The following EXOC6B variants were observed in gnomAD, a reference collection of about 807,000 sequenced individuals.
EXOC6B encodes the protein SEC15 homolog B.
In EXOC6B, 54 loss-of-function variants were observed where a neutral mutation model predicts 113.5. That is an observed-to-expected ratio of 0.48 (90% CI 0.38 to 0.60). The LOEUF (loss-of-function observed/expected upper bound fraction) is 0.60. Ranked by LOEUF, EXOC6B falls within the 20% of genes least tolerant of loss-of-function variation. The pLI is 0.00. For synonymous variants in EXOC6B, 357 were observed against 339.0 expected (o/e 1.05, Z -0.58); for missense variants, 797 against 977.5 (o/e 0.82, Z 2.46).
chr2:72,694,690 A>G (rs775663989), intron 6 of EXOC6B, among the ~76,000 whole-genome samples: 10 of 152,240 alleles, frequency 6.6e-5, no homozygotes, highest in Admixed American at 2.0e-4. Flanking sequence ...AAAATGCCAT[A>G]GGAACAAAGG....
At chr2:72,513,321 A>G (rs1701046638) in intron 10 of EXOC6B, 69 bp from the exon 11 acceptor site, 1 of 1,585,854 alleles carries the variant, frequency 6.3e-7, no homozygotes, top group African/African-American at 1.4e-5. Flanking sequence ...CTGGGGTTTG[A>G]CAAGCATTAA....
chr2:72,440,976 T>C (rs1354597637), intron 18 of EXOC6B, among the ~76,000 whole-genome samples: 1 of 152,116 alleles, frequency 6.6e-6, no homozygotes, highest in Non-Finnish European at 1.5e-5. Context: ...TTTTCACCCT[T>C]TATCATCTGG....
At chr2:72,271,185 GT>G (rs1553475935) in intron 20 of EXOC6B, among the ~76,000 whole-genome samples, 1 of 152,100 alleles carries the variant, frequency 6.6e-6, no homozygotes, top group Non-Finnish European at 1.5e-5. Flanking sequence ...AGAGTAAGGG[GT>G]TTTAAAACTC....
chr2:72,229,943 T>C (rs1681499451), intron 20 of EXOC6B, among the ~76,000 whole-genome samples: 1 of 152,076 alleles, frequency 6.6e-6, no homozygotes. Context: ...CAAAGCATCT[T>C]AAAAAGGCAA....
intron 20 of EXOC6B, among the ~76,000 whole-genome samples, chr2:72,315,612 G>T (rs2104807873): frequency 6.6e-6 from 1 of 152,230 alleles, no homozygotes; most frequent in Admixed American, 6.5e-5. Context: ...AGTTAAAAGT[G>T]GTTGGTTTCT....
intron 20 of EXOC6B, among the ~76,000 whole-genome samples, chr2:72,301,225 T>C (rs1436678815): frequency 1.3e-5 from 2 of 152,196 alleles, no homozygotes; most frequent in African/African-American, 4.8e-5. Flanking sequence ...GCTTTTTGAT[T>C]GTGCTGCTGA....
chr2:72,627,904 T>C (rs1672157070), intron 6 of EXOC6B, among the ~76,000 whole-genome samples: 1 of 152,038 alleles, frequency 6.6e-6, no homozygotes, highest in Admixed American at 6.6e-5. Context: ...CCATTTTTGT[T>C]GTGTTATTTT....
intron 20 of EXOC6B, among the ~76,000 whole-genome samples, chr2:72,280,513 C>G (rs1685067700): frequency 6.6e-6 from 1 of 152,072 alleles, no homozygotes; most frequent in Admixed American, 6.6e-5. Context: ...TCTAGCCATG[C>G]TTAGGAACCC....
At chr2:72,733,694 A>C (rs923655573) in intron 2 of EXOC6B, among the ~76,000 whole-genome samples, 1 of 152,224 alleles carries the variant, frequency 6.6e-6, no homozygotes, top group Non-Finnish European at 1.5e-5. Context: ...TAAATGATCC[A>C]GAGTTCATTA....
chr2:72,181,628 C>A (rs767799662), intron 21 of EXOC6B, among the ~76,000 whole-genome samples: 40 of 152,286 alleles, frequency 2.6e-4, no homozygotes, highest in Non-Finnish European at 4.0e-4. Flanking sequence ...TTTCATGACT[C>A]CTGGAAGCAG....
chr2:72,482,041 G>A (rs1455518357), intron 16 of EXOC6B, among the ~76,000 whole-genome samples: 1 of 152,132 alleles, frequency 6.6e-6, no homozygotes, highest in Admixed American at 6.5e-5. Flanking sequence ...AGATCACACA[G>A]CCTAAATGAA....
intron 1 of EXOC6B, among the ~76,000 whole-genome samples, chr2:72,804,640 G>A (rs964465617): frequency 2.3e-4 from 35 of 151,782 alleles, no homozygotes; most frequent in African/African-American, 8.0e-4. Flanking sequence ...TTGTCACCCA[G>A]GCTGGAGTAC....
chr2:72,396,596 A>G (rs1692738762), intron 18 of EXOC6B, among the ~76,000 whole-genome samples: 1 of 152,194 alleles, frequency 6.6e-6, no homozygotes, highest in African/African-American at 2.4e-5. Context: ...AGGACTCAGA[A>G]TATGGGACAT....
chr2:72,656,787 G>A (rs1674608201), intron 6 of EXOC6B, among the ~76,000 whole-genome samples: 2 of 152,216 alleles, frequency 1.3e-5, no homozygotes, highest in Admixed American at 1.3e-4. Flanking sequence ...GTGTGTAAGT[G>A]TATGTGTATA....
chr2:72,355,488 A>T (rs936836343), intron 19 of EXOC6B, among the ~76,000 whole-genome samples: 2 of 152,244 alleles, frequency 1.3e-5, no homozygotes, highest in Admixed American at 6.5e-5. Flanking sequence ...CGAACAAGCA[A>T]GAGACAAAAT....
At chr2:72,659,157 A>C (rs1674823874) in intron 6 of EXOC6B, among the ~76,000 whole-genome samples, 1 of 152,178 alleles carries the variant, frequency 6.6e-6, no homozygotes, top group Non-Finnish European at 1.5e-5. Context: ...TATGAAAACA[A>C]TACAGTCTTT....
intron 6 of EXOC6B, among the ~76,000 whole-genome samples, chr2:72,679,953 T>C (rs1010820175): frequency 6.6e-6 from 1 of 152,152 alleles, no homozygotes; most frequent in Non-Finnish European, 1.5e-5. Flanking sequence ...GGATGAGATT[T>C]ATAGATTAAA....
intron 20 of EXOC6B, among the ~76,000 whole-genome samples, chr2:72,322,082 G>A (rs1301563760): frequency 6.6e-6 from 1 of 151,812 alleles, no homozygotes; most frequent in Non-Finnish European, 1.5e-5. Flanking sequence ...ATTACCTAGG[G>A]AAAATAAAAA....
At chr2:72,506,461 T>C (rs1278838852) in intron 11 of EXOC6B, among the ~76,000 whole-genome samples, 1 of 152,180 alleles carries the variant, frequency 6.6e-6, no homozygotes. Context: ...AGTTATGAAC[T>C]CTGGACTAAG....
Sources: gnomAD v4.1 joint callset for allele counts (sites outside exome capture counted in the v4.1 genomes callset) on GRCh38, gnomAD v4.1.1 for gene constraint, MANE v1.5 for transcripts, NCBI Gene and HGNC (gene_info 2026-07-23, HGNC 2026-07-21) for gene names.